Variants in ZNF37A observed in about 807,000 individuals in gnomAD.
The protein encoded by ZNF37A is zinc finger protein 37A.
Under a neutral mutation model 12.3 loss-of-function variants are expected in ZNF37A, and 10 were observed. The ratio of observed to expected loss-of-function variants is 0.82; its 90% CI spans 0.50 to 1.38. ZNF37A has a LOEUF of 1.38. Ranked by LOEUF, ZNF37A falls within the 40% of genes most tolerant of loss-of-function variation. ZNF37A has a pLI of 0.00. For missense variants in ZNF37A, 580 were observed against 651.2 expected (o/e 0.89, Z 1.19); for synonymous variants, 207 against 223.0 (o/e 0.93, Z 0.64).
rs2069676711 is a variant in ZNF37A at position 38,121,240 on chromosome 10, A to G, written c.*2403A>G. On this transcript the variant is annotated 3_prime_UTR_variant, in exon 8 of 8. Transcript: ENST00000685332. The stretch of plus-strand genomic sequence containing the variant: ...ACAACAAAAAAACCCATAAAGCTAT[A>G]GACCAAAGTCTCATAGATTTAGATG... 6.6e-6 allele frequency: 1 copy of G among 152,182 alleles called. No homozygotes were observed. Among genetic ancestry groups the G allele is most frequent in the Non-Finnish European group, 1.5e-5 (1 of 68,036 alleles). The allele number at this position is 152,182 out of a possible 1,614,324, so 9.4% of individuals were successfully genotyped here. A position where few individuals can be genotyped will look rare whatever the true frequency, so the allele number is the denominator to read the frequency against.
At chr10:38,096,548 A>C (rs568977838) in intron 4 of ZNF37A, 26 bp from the exon 5 acceptor site, 1 of 1,535,440 alleles carries the variant, frequency 6.5e-7, no homozygotes. Flanking sequence ...AAGTGACATC[A>C]CTCATGATCT....
rs202072276 is a variant in ZNF37A at position 38,116,631 on chromosome 10, T to TA, written c.239-750dup. ...ATGTTTACTTCAGTGATACCTTGTTTAAAAAAAAAGTGTTTGTTCTTGGGA... is the reference window on the plus strand; with the variant it reads ...ATGTTTACTTCAGTGATACCTTGTTTAAAAAAAAAAGTGTTTGTTCTTGGGA... On this transcript the variant is annotated intron_variant, in intron 7 of 7. Transcript: ENST00000685332. 4.6e-5 allele frequency among the ~76,000 whole-genome samples: 7 copies of TA among 151,542 alleles called. No homozygotes were observed. In the East Asian group the frequency reaches 1.2e-3, roughly 25 times the overall value.
Position 38,122,958 on chromosome 10 carries a change from C to T in ZNF37A, c.*4121C>T, listed in dbSNP as rs1364365917. On this transcript the variant is annotated 3_prime_UTR_variant, in exon 8 of 8. Coordinates refer to ENST00000685332, the MANE Select transcript of ZNF37A (RefSeq NM_001324250.3). ...ATTTTTGAAGTACTACAAAGAAATA[C>T]TTGAGACTGAGTAATTTATAAAGAA... 1 of 152,202 alleles carries T rather than the reference C, an allele frequency of 6.6e-6. No homozygotes were observed. The highest frequency in any genetic ancestry group is 1.5e-5 in the Non-Finnish European group (1 of 68,066). 9.4% of individuals were successfully genotyped at this position (152,202 alleles called of 1,614,324 possible).
At chr10:38,114,280 T>G (rs2136002165) in intron 5 of ZNF37A, among the ~76,000 whole-genome samples, 1 of 152,322 alleles carries the variant, frequency 6.6e-6, no homozygotes, top group East Asian at 1.9e-4. Context: ...GTTAAGTTTT[T>G]CTTATATGTT....
chr10:38,113,445 T>C (rs1393889102), intron 5 of ZNF37A, among the ~76,000 whole-genome samples: 1 of 152,096 alleles, frequency 6.6e-6, no homozygotes, highest in Non-Finnish European at 1.5e-5. Flanking sequence ...ACTCCAAACC[T>C]TAGATCTCTT....
chr10:38,104,465 G>GT (rs910108245), intron 5 of ZNF37A, among the ~76,000 whole-genome samples: 21 of 147,350 alleles, frequency 1.4e-4, no homozygotes, highest in African/African-American at 3.5e-4. Context: ...GGTGTTTTTT[G>GT]TTTTTTTTTT....
rs1229208792 is a variant in ZNF37A at position 38,120,857 on chromosome 10, G to C, written c.*2020G>C. ...GGGCAGGAGCCTGAAAAGCTAATTT[G>C]AGAAGATAATAAGTAGGATTTTTGT... On this transcript the variant is annotated 3_prime_UTR_variant, in exon 8 of 8. Coordinates refer to ENST00000685332, the MANE Select transcript of ZNF37A (RefSeq NM_001324250.3). 1 of 152,330 alleles carries C rather than the reference G, an allele frequency of 6.6e-6. No homozygotes were observed. The highest frequency in any genetic ancestry group is 2.4e-5 in the African/African-American group (1 of 41,576). The allele number at this position is 152,330 out of a possible 1,614,324, so 9.4% of individuals were successfully genotyped here.
chr10:38,139,394 A>G (rs1438759593), intron 7 of ZNF37A: 11 of 151,860 alleles, frequency 7.2e-5, no homozygotes, highest in African/African-American at 2.7e-4. Flanking sequence ...TTTGAGATGA[A>G]TTCTCATTCT....
At chr10:38,111,958 T>C (rs1564930522) in intron 5 of ZNF37A, among the ~76,000 whole-genome samples, 1 of 150,218 alleles carries the variant, frequency 6.7e-6, no homozygotes, top group Non-Finnish European at 1.5e-5. Context: ...CCACCCAGGC[T>C]AGAGTGCAGT....
chr10:38,115,135 T>C (rs987502601), intron 6 of ZNF37A, 60 bp from the exon 7 acceptor site: 13 of 1,532,324 alleles, frequency 8.5e-6, no homozygotes, highest in Non-Finnish European at 8.9e-6. Context: ...GGGTATACTG[T>C]CTTCCTCCTT....
At chr10:38,105,976 T>A (rs1054862357) in intron 5 of ZNF37A, among the ~76,000 whole-genome samples, 1 of 152,342 alleles carries the variant, frequency 6.6e-6, no homozygotes, top group Non-Finnish European at 1.5e-5. Flanking sequence ...TCTTTTATTT[T>A]TTTTTTCTTG....
rs1323721786 is a variant in ZNF37A, at chr10:38,120,356, G to T, written c.*1519G>T. ...AGGTGGGAGGATCACTTGAACCTGG[G>T]AGGTGGGGGTTTCAGTGAGCTGAGA... On this transcript the variant is annotated 3_prime_UTR_variant, in exon 8 of 8. Transcript: ENST00000685332. The T allele has an allele frequency of 6.6e-6, 1 of 152,158 alleles. No individual in the cohort carries two copies. Among genetic ancestry groups the T allele is most frequent in the Non-Finnish European group, 1.5e-5 (1 of 68,086 alleles). 9.4% of individuals were successfully genotyped at this position (152,158 alleles called of 1,614,324 possible). A position where few individuals can be genotyped will look rare whatever the true frequency, so the allele number is the denominator to read the frequency against.
Position 38,122,461 on chromosome 10 carries a change from A to C in ZNF37A, c.*3624A>C, listed in dbSNP as rs1219896737. Reference sequence around the variant, plus strand: ...TTATTCAACAGAGCTACAGTAACCAAAACAGCATGATACTGGCATAACAAC... The same window carrying C: ...TTATTCAACAGAGCTACAGTAACCACAACAGCATGATACTGGCATAACAAC... On this transcript the variant is annotated 3_prime_UTR_variant, in exon 8 of 8. Transcript: ENST00000685332. 6.6e-6 allele frequency: 1 copy of C among 152,232 alleles called. No individual in the cohort carries two copies. The highest frequency in any genetic ancestry group is 2.4e-5 in the African/African-American group (1 of 41,456). 9.4% of individuals were successfully genotyped at this position (152,232 alleles called of 1,614,324 possible).
chr10:38,104,848 C>G (rs1238841396), intron 5 of ZNF37A, among the ~76,000 whole-genome samples: 2 of 152,088 alleles, frequency 1.3e-5, no homozygotes, highest in African/African-American at 4.8e-5. Flanking sequence ...ATTTTTTAAA[C>G]AATGAGTTTA....
intron 5 of ZNF37A, among the ~76,000 whole-genome samples, chr10:38,100,202 A>G (rs1590797280): frequency 6.6e-6 from 1 of 152,208 alleles, no homozygotes; most frequent in African/African-American, 2.4e-5. Flanking sequence ...AGAATATCAC[A>G]AGGCAAGTGG....
At chr10:38,129,012 A>G (rs756416522), downstream of ZNF37A, among the ~76,000 whole-genome samples, 1 of 152,034 alleles carries the variant, frequency 6.6e-6, no homozygotes, top group Non-Finnish European at 1.5e-5. Context: ...TCGGCCTCCC[A>G]AAGTGCTGGG....
chr10:38,112,761 T>G lies in ZNF37A; in HGVS notation c.16-1994T>G, dbSNP rs2068862815. ...TTTTCTTTTCTTTTCTTTTCTTTTCTTTTCTTTTCTTTTCTTTTCTTTTCT... is the reference window on the plus strand; with the variant it reads ...TTTTCTTTTCTTTTCTTTTCTTTTCGTTTCTTTTCTTTTCTTTTCTTTTCT... On this transcript the variant is annotated intron_variant, in intron 5 of 7. Transcript: ENST00000685332. 6.3e-4 allele frequency among the ~76,000 whole-genome samples: 35 copies of G among 55,626 alleles called. 8 individuals carry two copies. The highest frequency in any genetic ancestry group is 2.7e-3 in the East Asian group (4 of 1,474). The allele number at this position is 55,626 out of a possible 152,430, so 36.5% of individuals were successfully genotyped here.
At position 38,118,243 on chromosome 10, in the gene ZNF37A, CTCATT is replaced by C; in HGVS notation, c.1094_1098del (p.Ser365Ter). ...AATGTCATGAATGTGGGAAAACCTT[CTCATT>C]TAAGTCAGTCCTTACTGTGCATCAG... is the stretch of plus-strand genomic sequence containing the variant. On this transcript the variant is annotated frameshift_variant, in exon 8 of 8. Transcript: ENST00000685332. LOFTEE classifies it low-confidence loss of function (END_TRUNC). The C allele has an allele frequency of 1.2e-6, 2 of 1,613,812 alleles. No homozygotes were observed. Among genetic ancestry groups the C allele is most frequent in the Non-Finnish European group, 1.7e-6 (2 of 1,179,890 alleles).
At chr10:38,134,706 T>C (rs1432210999) in intron 7 of ZNF37A, among the ~76,000 whole-genome samples, 1 of 152,190 alleles carries the variant, frequency 6.6e-6, no homozygotes, top group Admixed American at 6.5e-5. Context: ...CGGCCCCTAC[T>C]GGGAGGTGCC....
Sources: gnomAD v4.1 joint callset for allele counts (sites outside exome capture counted in the v4.1 genomes callset) on GRCh38, gnomAD v4.1.1 for gene constraint, MANE v1.5 for transcripts, NCBI Gene and HGNC (gene_info 2026-07-23, HGNC 2026-07-21) for gene names.